CIBAR1: variants seen among roughly 807,000 people sequenced by gnomAD.
The protein encoded by CIBAR1 is CBY1 interacting BAR domain containing 1, also known as CBY1-interacting BAR domain-containing protein 1.
A neutral mutation model predicts 44.0 loss-of-function variants in CIBAR1; 25 were observed. The ratio of observed to expected loss-of-function variants is 0.57; its 90% CI spans 0.41 to 0.79. The LOEUF is 0.79. CIBAR1 is among the 30% of genes least tolerant of loss of function. The pLI, the probability that CIBAR1 is intolerant of heterozygous loss-of-function variation, is 0.00. For missense variants in CIBAR1, 278 were observed against 344.8 expected, an observed-to-expected ratio of 0.81 and a Z score of 1.53; for synonymous variants, 115 against 119.0, an observed-to-expected ratio of 0.97 and a Z score of 0.22.
chr8:93,702,429 G>T, intron 2 of CIBAR1: 1 of 425,604 alleles, frequency 2.3e-6, no homozygotes. Flanking sequence ...ATGCCCCTTT[G>T]TAGAAAACCT....
At chr8:93,704,129 T>G (rs949203682) in intron 3 of CIBAR1, among the ~76,000 whole-genome samples, 12 of 151,974 alleles carry the variant, frequency 7.9e-5, no homozygotes, top group African/African-American at 2.9e-4. Flanking sequence ...GAAAGATCAC[T>G]TAGATCTTTA....
At position 93,726,271 on chromosome 8, in the gene CIBAR1, T is replaced by A. The variant is rs979190834; in HGVS notation, c.658-123T>A. ...TCTTTTCTTTTACATTTACAATAAT[T>A]GGAATTTTGTCCATTTGGGGGGAGT... On this transcript the variant is annotated intron_variant, in intron 7 of 8. Transcript: ENST00000518322. 5 of 779,732 alleles carry A rather than the reference T, an allele frequency of 6.4e-6. No individual in the cohort carries two copies. The East Asian group carries it at 1.4e-4, about 22-fold the overall frequency. 48.3% of individuals were successfully genotyped at this position (779,732 alleles called of 1,614,324 possible).
intron 8 of CIBAR1, among the ~76,000 whole-genome samples, chr8:93,727,712 A>C (rs146687579): frequency 1.5e-4 from 23 of 152,338 alleles, no homozygotes; most frequent in Non-Finnish European, 2.5e-4. Context: ...AATCACCCTC[A>C]AGAGAAGTTT....
intron 7 of CIBAR1, among the ~76,000 whole-genome samples, chr8:93,719,203 A>G: frequency 6.6e-6 from 1 of 152,266 alleles, no homozygotes; most frequent in African/African-American, 2.4e-5. Context: ...AGTGGTTATT[A>G]TGTGTAATCC....
intron 6 of CIBAR1, chr8:93,715,973 T>C (rs893816677): frequency 1.3e-5 from 2 of 152,228 alleles, no homozygotes; most frequent in Non-Finnish European, 2.9e-5. Context: ...TTAAAACTTC[T>C]GTCCACAAAG....
intron 7 of CIBAR1, chr8:93,719,838 C>G (rs1586283952): frequency 6.6e-6 from 1 of 152,250 alleles, no homozygotes; most frequent in Non-Finnish European, 1.5e-5. Flanking sequence ...CTGTTCAAGA[C>G]ATACTTTCCC....
intron 4 of CIBAR1, 54 bp from the exon 5 acceptor site, chr8:93,707,957 A>T: frequency 7.7e-7 from 1 of 1,296,722 alleles, no homozygotes; most frequent in Non-Finnish European, 1.1e-6. Context: ...AATTTATTGA[A>T]AAAGCTGTTA....
At chr8:93,724,717 ATAAC>A (rs2130380409) in intron 7 of CIBAR1, 1 of 1,083,510 alleles carries the variant, frequency 9.2e-7, no homozygotes, top group East Asian at 8.1e-5. Context: ...TTAGGCATAT[ATAAC>A]TATTTAAAGT....
rs1811791184 is a variant in CIBAR1 at position 93,731,489 on chromosome 8, T to G, written c.*3192T>G. ...TACAAGCTTATACTTTAAAGAATCA[T>G]ACTGAGGTGCTTTTTCATATCAAAT... is the stretch of plus-strand genomic sequence containing the variant. On this transcript the variant is annotated 3_prime_UTR_variant, in exon 9 of 9. Transcript: ENST00000518322. 1 of 152,224 alleles carries G rather than the reference T, an allele frequency of 6.6e-6. No individual in the cohort carries two copies. The highest frequency in any genetic ancestry group is 1.5e-5 in the Non-Finnish European group (1 of 68,028). 9.4% of individuals were successfully genotyped at this position (152,224 alleles called of 1,614,324 possible).
intron 1 of CIBAR1, chr8:93,701,009 C>T (rs1297778301): frequency 3.5e-6 from 5 of 1,421,116 alleles, no homozygotes; most frequent in East Asian, 2.6e-5. Flanking sequence ...TAAGGCCAGG[C>T]CCACCCGGCC....
chr8:93,702,093 C>T, intron 2 of CIBAR1: 1 of 252,316 alleles, frequency 4.0e-6, no homozygotes, highest in Non-Finnish European at 8.0e-6. Flanking sequence ...TATTTATTTT[C>T]AGTTTCACGG....
chr8:93,707,334 A>G, intron 4 of CIBAR1: 3 of 292,478 alleles, frequency 1.0e-5, no homozygotes, highest in South Asian at 9.1e-5. Context: ...AATAAATAGT[A>G]GTTGCTGGAG....
At position 93,721,831 on chromosome 8, in the gene CIBAR1, A is replaced by T. The variant is rs530448393; in HGVS notation, c.657+3043A>T. Among the ~76,000 whole-genome samples the T allele has an allele frequency of 2.6e-3, 392 of 152,292 alleles. 1 individual carries two copies. Among genetic ancestry groups the T allele is most frequent in the African/African-American group, 9.1e-3 (377 of 41,570 alleles). On this transcript the variant is annotated intron_variant, in intron 7 of 8. Coordinates refer to ENST00000518322, the MANE Select transcript of CIBAR1 (RefSeq NM_145269.5). The stretch of plus-strand genomic sequence containing the variant: ...ATGACCAGTCCTATAAAGAAAAAAA[A>T]AAAGTGTTGTGTGTGATGGAGGGTT...
chr8:93,700,718 G>A, intron 1 of CIBAR1, 45 bp downstream of exon 1: 1 of 1,475,934 alleles, frequency 6.8e-7, no homozygotes, highest in Non-Finnish European at 9.0e-7. Context: ...ACACTGGAGG[G>A]CTGGGGTGAG....
At chr8:93,701,620 G>T (rs1049023385) in intron 2 of CIBAR1, 162 bp downstream of exon 2, 10 of 652,682 alleles carry the variant, frequency 1.5e-5, no homozygotes, top group African/African-American at 1.3e-4. Context: ...TTAAAGAGAA[G>T]CGTTCTGTGT....
At chr8:93,713,283 T>G (rs1035218899) in intron 6 of CIBAR1, among the ~76,000 whole-genome samples, 32 of 152,138 alleles carry the variant, frequency 2.1e-4, no homozygotes, top group African/African-American at 7.7e-4. Context: ...TCTGCCCACC[T>G]CCACCTCCCA....
chr8:93,709,855 C>T lies in CIBAR1; in HGVS notation c.523C>T (p.Gln175Ter). The T allele has an allele frequency of 6.2e-7, 1 of 1,610,892 alleles. No individual in the cohort carries two copies. The highest frequency in any genetic ancestry group is 8.5e-7 in the Non-Finnish European group (1 of 1,178,476). ...GGAAACTATTAACAACTTTGAAAGGCAGAAAATGAAGGATATAAAGGTAAT... is the reference window on the plus strand; with the variant it reads ...GGAAACTATTAACAACTTTGAAAGGTAGAAAATGAAGGATATAAAGGTAAT... ...LEETINNFER[Q>*]KMKDIKTIFS... Residue 175 changes from glutamine (Q) to a stop codon, truncating the protein, a stop_gained, in exon 6 of 9, where the codon CAG (glutamine) becomes TAG (stop). Coordinates refer to ENST00000518322, the MANE Select transcript of CIBAR1 (RefSeq NM_145269.5). LOFTEE classifies it high-confidence loss of function.
chr8:93,716,841 T>C (rs1050268261), intron 6 of CIBAR1, among the ~76,000 whole-genome samples: 4 of 152,224 alleles, frequency 2.6e-5, no homozygotes, highest in African/African-American at 9.6e-5. Context: ...TAACTTTAAT[T>C]TTCAAATGGA....
chr8:93,726,561 A>G, intron 8 of CIBAR1, 48 bp downstream of exon 8: 1 of 1,599,484 alleles, frequency 6.3e-7, no homozygotes, highest in South Asian at 1.1e-5. Flanking sequence ...CTGCCTTTGG[A>G]ATTGTTGAGT....
Sources: gnomAD v4.1 joint callset for allele counts (sites outside exome capture counted in the v4.1 genomes callset) on GRCh38, gnomAD v4.1.1 for gene constraint, MANE v1.5 for transcripts, NCBI Gene and HGNC (gene_info 2026-07-23, HGNC 2026-07-21) for gene names.